Variants in PDE7A observed in about 807,000 individuals in gnomAD.
PDE7A encodes high affinity 3',5'-cyclic-AMP phosphodiesterase 7A.
In PDE7A, 39 loss-of-function variants were observed where a neutral mutation model predicts 64.3. The observed-to-expected ratio is 0.61, with a 90% CI of 0.47 to 0.79. PDE7A has a LOEUF of 0.79. Ranked by LOEUF, PDE7A falls within the 30% of genes least tolerant of loss-of-function variation. The pLI is 0.00. For synonymous variants in PDE7A, 203 were observed against 206.8 expected (o/e 0.98, Z 0.16); for missense variants, 470 against 582.8 (o/e 0.81, Z 1.99).
At chr8:65,790,486 C>A (rs971823204) in intron 1 of PDE7A, among the ~76,000 whole-genome samples, 2 of 152,122 alleles carry the variant, frequency 1.3e-5, no homozygotes, top group Non-Finnish European at 2.9e-5. Flanking sequence ...TATCAATGTA[C>A]ACAAATGATG....
chr8:65,772,189 G>C (rs1258387614), intron 3 of PDE7A, among the ~76,000 whole-genome samples: 1 of 152,238 alleles, frequency 6.6e-6, no homozygotes, highest in Non-Finnish European at 1.5e-5. Context: ...CAGAAAATAA[G>C]TGGGTTGAGG....
intron 3 of PDE7A, among the ~76,000 whole-genome samples, chr8:65,772,865 A>G (rs1233994312): frequency 6.6e-6 from 1 of 152,096 alleles, no homozygotes. Context: ...AAAATTAGCC[A>G]GGTGTGGTGG....
chr8:65,797,745 G>C lies in PDE7A; in HGVS notation c.139-14902C>G, dbSNP rs573586072. ...CAACAAAGGTACCAAAGTAATTCAG[G>C]GGAAAGTATAGTCTTTTCAATACAT... On this transcript the variant is annotated intron_variant, in intron 1 of 12. Transcript: ENST00000401827. 1.5e-3 allele frequency among the ~76,000 whole-genome samples: 222 copies of C among 151,510 alleles called. 1 individual carries two copies. Among genetic ancestry groups the C allele is most frequent in the African/African-American group, 5.1e-3 (211 of 41,314 alleles).
intron 7 of PDE7A, among the ~76,000 whole-genome samples, chr8:65,729,720 G>T (rs1806763037): frequency 6.7e-6 from 1 of 149,410 alleles, no homozygotes. Flanking sequence ...CTACCACCAT[G>T]CCTGACTTTT....
At chr8:65,754,050 CA>C (rs1808098494) in intron 3 of PDE7A, among the ~76,000 whole-genome samples, 1 of 152,052 alleles carries the variant, frequency 6.6e-6, no homozygotes, top group Non-Finnish European at 1.5e-5. Context: ...CACAAGGTCC[CA>C]CAATAGGGCA....
At chr8:65,807,182 C>T (rs1258984947) in intron 1 of PDE7A, among the ~76,000 whole-genome samples, 1 of 152,174 alleles carries the variant, frequency 6.6e-6, no homozygotes, top group Non-Finnish European at 1.5e-5. Context: ...GGACATTCTT[C>T]CATTTATTTA....
In PDE7A at chr8:65,750,496, GTGTGTGTC is replaced by G. The variant is rs779197924; in HGVS notation, c.284-2701_284-2694del. Among the ~76,000 whole-genome samples, 978 of 144,628 alleles carry G rather than the reference GTGTGTGTC, an allele frequency of 6.8e-3. 10 individuals are homozygous for G. Among genetic ancestry groups the G allele is most frequent in the South Asian group, 0.028 (133 of 4,730 alleles). 94.9% of individuals were successfully genotyped at this position (144,628 alleles called of 152,430 possible). ...TCACTGTGTGTGTGTGTGTGTGTGT[GTGTGTGTC>G]TGTGTGTGTCTGTGTGTGTGTGAGA... On this transcript the variant is annotated intron_variant, in intron 3 of 12. Transcript: ENST00000401827.
At chr8:65,770,570 G>A (rs1201470672) in intron 3 of PDE7A, among the ~76,000 whole-genome samples, 1 of 152,090 alleles carries the variant, frequency 6.6e-6, no homozygotes, top group Admixed American at 6.5e-5. Flanking sequence ...ATTTGGGAGG[G>A]GACACAGCCA....
At chr8:65,794,298 C>A (rs1585923373) in intron 1 of PDE7A, among the ~76,000 whole-genome samples, 1 of 152,044 alleles carries the variant, frequency 6.6e-6, no homozygotes, top group South Asian at 2.1e-4. Flanking sequence ...CTCAATGGGA[C>A]AGTGCACCCA....
At chr8:65,773,423 G>C (rs1008755327) in intron 3 of PDE7A, among the ~76,000 whole-genome samples, 1 of 152,148 alleles carries the variant, frequency 6.6e-6, no homozygotes, top group Non-Finnish European at 1.5e-5. Flanking sequence ...AGCATGATGA[G>C]ATCGAGAGGA....
chr8:65,774,979 C>A (rs978641007), intron 3 of PDE7A, among the ~76,000 whole-genome samples: 15 of 152,188 alleles, frequency 9.9e-5, no homozygotes, highest in African/African-American at 2.7e-4. Context: ...ACAGACCGCA[C>A]TTTAAGTACT....
intron 6 of PDE7A, 117 bp from the exon 7 acceptor site, chr8:65,735,011 C>A (rs550259405): frequency 7.4e-6 from 5 of 671,540 alleles, no homozygotes; most frequent in Admixed American, 6.6e-5. Flanking sequence ...CGGCTAAAAT[C>A]GTGCCGATTC....
intron 10 of PDE7A, 33 bp downstream of exon 10, chr8:65,724,744 C>T: frequency 1.3e-6 from 2 of 1,551,916 alleles, no homozygotes; most frequent in Non-Finnish European, 1.8e-6. Flanking sequence ...ATAATTTATC[C>T]TAGAAATAGA....
At chr8:65,841,123 C>A (rs1811074410) in intron 1 of PDE7A, among the ~76,000 whole-genome samples, 1 of 152,142 alleles carries the variant, frequency 6.6e-6, no homozygotes. Flanking sequence ...CAGAGGGTGA[C>A]GAGCCTGGGG....
At chr8:65,835,042 T>G (rs1810919917) in intron 1 of PDE7A, among the ~76,000 whole-genome samples, 1 of 150,986 alleles carries the variant, frequency 6.6e-6, no homozygotes, top group East Asian at 1.9e-4. Context: ...TTGGCAACAA[T>G]ATAAAAAAAT....
chr8:65,798,913 A>C (rs2097042192), intron 1 of PDE7A, among the ~76,000 whole-genome samples: 1 of 152,220 alleles, frequency 6.6e-6, no homozygotes, highest in Admixed American at 6.5e-5. Flanking sequence ...CTCAGCAATA[A>C]GATAGGGCAA....
intron 1 of PDE7A, among the ~76,000 whole-genome samples, chr8:65,828,931 G>A (rs1488665915): frequency 6.6e-6 from 1 of 151,940 alleles, no homozygotes; most frequent in Non-Finnish European, 1.5e-5. Flanking sequence ...TTATATTCGA[G>A]TATTTTGCTA....
chr8:65,779,581 TTTACATGACCTAG>T, intron 3 of PDE7A, 126 bp downstream of exon 3: 1 of 498,592 alleles, frequency 2.0e-6, no homozygotes. Flanking sequence ...AATAGTGTCA[TTTACATGACCTAG>T]GTTTTAAAAA....
intron 7 of PDE7A, among the ~76,000 whole-genome samples, chr8:65,729,298 C>T (rs1383118437): frequency 6.7e-6 from 1 of 148,848 alleles, no homozygotes; most frequent in African/African-American, 2.5e-5. Flanking sequence ...TTACTGTTTT[C>T]ACTGCCTGCC....
Sources: allele counts gnomAD v4.1 joint callset (sites outside exome capture counted in the v4.1 genomes callset), GRCh38; gene constraint gnomAD v4.1.1; transcripts MANE v1.5; gene names NCBI Gene and HGNC (gene_info 2026-07-23, HGNC 2026-07-21).